GPAA1: variants seen among roughly 807,000 people sequenced by gnomAD.
GPAA1 encodes the protein GPI-anchor transamidase component GPAA1.
Under a neutral mutation model 64.0 loss-of-function variants are expected in GPAA1, and 54 were observed. The ratio of observed to expected loss-of-function variants is 0.84; its 90% CI spans 0.68 to 1.06. GPAA1 has a LOEUF of 1.06. Ranked by LOEUF, GPAA1 falls within the 50% of genes least tolerant of loss-of-function variation. The pLI is 0.00. For synonymous variants in GPAA1, 393 were observed against 377.3 expected (o/e 1.04, Z -0.48); for missense variants, 780 against 822.3 (o/e 0.95, Z 0.63).
Position 144,083,316 on chromosome 8 carries a change from G to A in GPAA1, c.254+13G>A, listed in dbSNP as rs1835939557. ...GCAAGAAGTCGGGGTGAGCGGCAGA[G>A]CAGGGCGTATGGGGCGAGCAGTGGT... is the stretch of plus-strand genomic sequence containing the variant. On this transcript the variant is annotated intron_variant, in intron 2 of 11. Transcript: ENST00000355091. The A allele has an allele frequency of 1.2e-6, 2 of 1,608,826 alleles. No individual in the cohort carries two copies. The highest frequency in any genetic ancestry group is 2.2e-5 in the South Asian group (2 of 90,938).
In GPAA1 at chr8:144,085,979, C is replaced by G. The variant is rs782735238; in HGVS notation, c.1720C>G (p.Leu574Val). The G allele has an allele frequency of 1.4e-5, 23 of 1,607,552 alleles. No individual in the cohort carries two copies. The highest frequency in any genetic ancestry group is 7.6e-6 in the Non-Finnish European group (9 of 1,179,930). Residue 574 changes from leucine to valine, a missense_variant, in exon 12 of 12, where the codon CTG (leucine) becomes GTG (valine). Coordinates refer to ENST00000355091, the MANE Select transcript of GPAA1 (RefSeq NM_003801.4). ...GGAGCTGCAGGAGGCGCCACTGTCA[C>G]TGGCCGAGGGCTGGCAGCTCTTCCT... ...WRELQEAPLS[L>V]AEGWQLFLAA...
In GPAA1 at chr8:144,085,881, G is replaced by A. The variant is rs200574909; in HGVS notation, c.1623-1G>A. On this transcript the variant is annotated splice_acceptor_variant, in intron 11 of 11. Transcript: ENST00000355091. LOFTEE classifies it high-confidence loss of function. ...TACCTTGATGTTGCTTCTCCACCCAGGACCCTCTATGCTGCCCTGCTGGTG... is the reference window on the plus strand; with the variant it reads ...TACCTTGATGTTGCTTCTCCACCCAAGACCCTCTATGCTGCCCTGCTGGTG... The A allele has an allele frequency of 8.1e-6, 13 of 1,605,730 alleles. No individual in the cohort carries two copies. The highest frequency in any genetic ancestry group is 8.5e-6 in the Non-Finnish European group (10 of 1,175,402).
In GPAA1 at chr8:144,084,433, A is replaced by T; in HGVS notation, c.834A>T (p.Thr278=). 1 of 1,612,366 alleles carries T rather than the reference A, an allele frequency of 6.2e-7. No individual in the cohort carries two copies. Among genetic ancestry groups the T allele is most frequent in the Non-Finnish European group, 8.5e-7 (1 of 1,179,510 alleles). The change falls in exon 7 of 12, where the codon ACA becomes ACT. Residue 278 remains threonine, a synonymous_variant. Coordinates refer to ENST00000355091, the MANE Select transcript of GPAA1 (RefSeq NM_003801.4). ...TAAAGCTGCAGCCCGAGGACTGGAC[A>T]TCATTGGATGGACCGCTGCAGGGCC... ...LQGKLQPEDW[T]SLDGPLQGLQ... is the part of the protein sequence containing the mutation.
rs782724741 is a variant in GPAA1, at chr8:144,084,894, C to T, written c.1164+19C>T. ...TCTCAAGATATCCTCTGCCCCTTGC[C>T]ATCTACCTGTGACCAGCCTCCAGTC... On this transcript the variant is annotated intron_variant, in intron 8 of 11. Transcript: ENST00000355091. 22 of 1,612,552 alleles carry T rather than the reference C, an allele frequency of 1.4e-5. No homozygotes were observed. The South Asian group carries it at 1.9e-4, about 14-fold the overall frequency.
chr8:144,083,199 G>A lies in GPAA1; in HGVS notation c.150G>A (p.Met50Ile). ...VFPPLTQRTY[M>I]SENAMGSTMV... The stretch of plus-strand genomic sequence containing the variant: ...CGCCGCTGACCCAGCGCACTTACAT[G>A]TCGGAGAACGCCATGGGCTCCACCA... The change falls in exon 2 of 12, where the codon ATG becomes ATA. Residue 50 changes from methionine to isoleucine, a missense_variant. By Grantham distance (10) the Met-to-Ile change is conservative. Coordinates refer to ENST00000355091, the MANE Select transcript of GPAA1 (RefSeq NM_003801.4). 6.2e-7 allele frequency: 1 copy of A among 1,613,050 alleles called. No homozygotes were observed. The highest frequency in any genetic ancestry group is 8.5e-7 in the Non-Finnish European group (1 of 1,179,830).
At position 144,083,788 on chromosome 8, in the gene GPAA1, C is replaced by T. The variant is rs1554763898; in HGVS notation, c.441C>T (p.Thr147=). Residue 147 remains threonine, a synonymous_variant, in exon 4 of 12, where the codon ACC becomes ACT. Transcript: ENST00000355091. Reference sequence around the variant, plus strand: ...CCAGCACCGAGTCGCTTGTGCTCACCGTGCCCTGTGGCTCTGACTCTACCA... The same window carrying T: ...CCAGCACCGAGTCGCTTGTGCTCACTGTGCCCTGTGGCTCTGACTCTACCA... ...RAASTESLVL[T]VPCGSDSTNS... 2.5e-6 allele frequency: 4 copies of T among 1,608,388 alleles called. No individual in the cohort carries two copies. Among genetic ancestry groups the T allele is most frequent in the South Asian group, 2.2e-5 (2 of 91,086 alleles).
In GPAA1 at chr8:144,084,740, C is replaced by A. The variant is rs1283856780; in HGVS notation, c.1029C>A (p.Phe343Leu). Residue 343 changes from phenylalanine to leucine, a missense_variant, in exon 8 of 12, where the codon TTC becomes TTA. Phe to Leu is a conservative substitution (Grantham distance 22, BLOSUM62 0). Coordinates refer to ENST00000355091, the MANE Select transcript of GPAA1 (RefSeq NM_003801.4). The stretch of plus-strand genomic sequence containing the variant: ...CTGACAGGGCTTTGGAGGGCATGTT[C>A]CGCAAGCTCAACCACCTCCTGGAGC... ...VAVGKALEGM[F>L]RKLNHLLERL... 3 of 1,613,782 alleles carry A rather than the reference C, an allele frequency of 1.9e-6. No individual in the cohort carries two copies. The highest frequency in any genetic ancestry group is 3.3e-4 in the Middle Eastern group (2 of 6,082).
Position 144,082,819 on chromosome 8 carries a change from C to G in GPAA1, c.74+15C>G, listed in dbSNP as rs2129937054. The G allele has an allele frequency of 2.1e-6, 3 of 1,402,796 alleles. No individual in the cohort carries two copies. Among genetic ancestry groups the G allele is most frequent in the Non-Finnish European group, 2.8e-6 (3 of 1,084,078 alleles). The allele number at this position is 1,402,796 out of a possible 1,614,324, so 86.9% of individuals were successfully genotyped here. On this transcript the variant is annotated intron_variant, in intron 1 of 11. Coordinates refer to ENST00000355091, the MANE Select transcript of GPAA1 (RefSeq NM_003801.4). ...GCGCCGTTGTGGTGAGGACAGGGCC[C>G]GGGGAGGCGGGGACCCGAGGGCCCT... is the stretch of plus-strand genomic sequence containing the variant.
rs1374196881 is a variant in GPAA1, at chr8:144,086,090, T to G, written c.1831T>G (p.Trp611Gly). Residue 611 changes from tryptophan (W) to glycine (G), a missense_variant, in exon 12 of 12, where the codon TGG (tryptophan) becomes GGG (glycine). Trp to Gly is a radical substitution (Grantham distance 184, BLOSUM62 -2). Coordinates refer to ENST00000355091, the MANE Select transcript of GPAA1 (RefSeq NM_003801.4). Reference protein sequence around the residue: ...PLLSLGLYPCWLLFWNVLFWK With the variant: ...PLLSLGLYPCGLLFWNVLFWK ...GCTGTCCCTGGGCCTCTACCCCTGCTGGCTGCTTTTCTGGAATGTGCTCTT... is the reference window on the plus strand; with the variant it reads ...GCTGTCCCTGGGCCTCTACCCCTGCGGGCTGCTTTTCTGGAATGTGCTCTT... The G allele has an allele frequency of 3.1e-6, 5 of 1,613,596 alleles. No individual in the cohort carries two copies. The highest frequency in any genetic ancestry group is 4.2e-6 in the Non-Finnish European group (5 of 1,179,986).
At chr8:144,085,782 C>T in intron 11 of GPAA1, 39 bp downstream of exon 11, 12 of 1,605,154 alleles carry the variant, frequency 7.5e-6, no homozygotes, top group Non-Finnish European at 1.0e-5. Context: ...AATGCCTGTG[C>T]CCTCATCACA....
intron 9 of GPAA1, 29 bp downstream of exon 9, chr8:144,085,167 T>G: frequency 1.3e-6 from 2 of 1,485,626 alleles, no homozygotes; most frequent in Non-Finnish European, 1.8e-6. Flanking sequence ...GTTGTTGGAA[T>G]GGGCTTCTGG....
rs1554764277 is a variant in GPAA1 at position 144,085,669 on chromosome 8, C to G, written c.1548C>G (p.Thr516=). Residue 516 remains threonine (T), a synonymous_variant, in exon 11 of 12, where the codon ACC becomes ACG. Coordinates refer to ENST00000355091, the MANE Select transcript of GPAA1 (RefSeq NM_003801.4). ...LALQLGCIAL[T]NFSLGFLLAT... is the part of the protein sequence containing the mutation. ...TGCAGCTGGGCTGCATCGCCCTCAC[C>G]AACTTCTCACTGGGCTTCCTGCTGG... is the stretch of plus-strand genomic sequence containing the variant. 6.2e-7 allele frequency: 1 copy of G among 1,613,816 alleles called. No homozygotes were observed. Among genetic ancestry groups the G allele is most frequent in the Middle Eastern group, 1.6e-4 (1 of 6,062 alleles).
chr8:144,083,339 G>A, intron 2 of GPAA1, 36 bp downstream of exon 2: 1 of 1,611,840 alleles, frequency 6.2e-7, no homozygotes, highest in Admixed American at 1.7e-5. Context: ...GGCGAGCAGT[G>A]GTGGCTAAGG....
At position 144,085,687 on chromosome 8, in the gene GPAA1, C is replaced by T. The variant is rs531815848; in HGVS notation, c.1566C>T (p.Phe522=). The T allele has an allele frequency of 6.2e-7, 1 of 1,613,724 alleles. No homozygotes were observed. Among genetic ancestry groups the T allele is most frequent in the Admixed American group, 1.7e-5 (1 of 60,024 alleles). ...CCCTCACCAACTTCTCACTGGGCTT[C>T]CTGCTGGCCACCACCATGGTGCCCA... The part of the protein sequence containing the change: ...CIALTNFSLG[F]LLATTMVPTA... Residue 522 remains phenylalanine (F), a synonymous_variant, in exon 11 of 12, where the codon TTC becomes TTT. Coordinates refer to ENST00000355091, the MANE Select transcript of GPAA1 (RefSeq NM_003801.4).
chr8:144,083,496 G>C lies in GPAA1; in HGVS notation c.362G>C (p.Arg121Pro), dbSNP rs782718480. Residue 121 changes from arginine (R) to proline (P), a missense_variant, in exon 3 of 12, where the codon CGC (arginine) becomes CCC (proline). Arg to Pro is a moderately radical substitution (Grantham distance 103). Transcript: ENST00000355091. ...KLPFPDETHE[R>P]YMVSGTNVYG... is the part of the protein sequence containing the mutation. Reference sequence around the variant, plus strand: ...CCCTTCCCAGATGAGACCCACGAGCGCTATGTACTGGGGGAGTGGGGTGTG... The same window carrying C: ...CCCTTCCCAGATGAGACCCACGAGCCCTATGTACTGGGGGAGTGGGGTGTG... 6.2e-7 allele frequency: 1 copy of C among 1,607,992 alleles called. No individual in the cohort carries two copies. The highest frequency in any genetic ancestry group is 1.3e-5 in the African/African-American group (1 of 74,946).
rs1564305909 is a variant in GPAA1 at position 144,086,045 on chromosome 8, G to A, written c.1786G>A (p.Gly596Ser). 1.3e-5 allele frequency: 21 copies of A among 1,612,882 alleles called. No homozygotes were observed. Among genetic ancestry groups the A allele is most frequent in the African/African-American group, 4.0e-5 (3 of 74,902 alleles). ...GGGTGTGCTGGAGCACCACACCTAC[G>A]GCGCCCTGCTCTTCCCACTGCTGTC... Reference protein sequence around the residue: ...AQGVLEHHTYGALLFPLLSLG... With the variant: ...AQGVLEHHTYSALLFPLLSLG... The change falls in exon 12 of 12, where the codon GGC becomes AGC. Residue 596 changes from glycine (G) to serine (S), a missense_variant. Physicochemically the swap from Gly to Ser is moderately conservative, Grantham distance 56. Transcript: ENST00000355091.
Position 144,086,198 on chromosome 8 carries a change from G to A in GPAA1, c.*73G>A, listed in dbSNP as rs1587595704. 1.4e-5 allele frequency: 21 copies of A among 1,513,966 alleles called. No individual in the cohort carries two copies. The East Asian group carries it at 4.3e-4, about 31-fold the overall frequency. The allele number at this position is 1,513,966 out of a possible 1,614,324, so 93.8% of individuals were successfully genotyped here. A position where few individuals can be genotyped will look rare whatever the true frequency, so the allele number is the denominator to read the frequency against. ...TGCCTCCTTCTGGGGAAATAAATGA[G>A]TGTCTGTTTCAGCAGCTATTTGAGC... On this transcript the variant is annotated 3_prime_UTR_variant, in exon 12 of 12. Coordinates refer to ENST00000355091, the MANE Select transcript of GPAA1 (RefSeq NM_003801.4).
At position 144,083,744 on chromosome 8, in the gene GPAA1, C is replaced by T. The variant is rs1554763881; in HGVS notation, c.397C>T (p.Leu133=). ...GTCGGGCACCAACGTGTACGGCATC[C>T]TGCGGGCCCCGCGTGCTGCCAGCAC... ...MVSGTNVYGI[L]RAPRAASTES... is the part of the protein sequence containing the mutation. The change falls in exon 4 of 12, where the codon CTG becomes TTG. Residue 133 remains leucine (L), a synonymous_variant. Transcript: ENST00000355091. The T allele has an allele frequency of 6.2e-7, 1 of 1,604,372 alleles. No individual in the cohort carries two copies. The highest frequency in any genetic ancestry group is 1.3e-5 in the African/African-American group (1 of 74,944).
At position 144,085,334 on chromosome 8, in the gene GPAA1, G is replaced by A. The variant is rs369394667; in HGVS notation, c.1306G>A (p.Ala436Thr). The A allele has an allele frequency of 2.5e-6, 4 of 1,610,330 alleles. No homozygotes were observed. Among genetic ancestry groups the A allele is most frequent in the Non-Finnish European group, 3.4e-6 (4 of 1,179,626 alleles). Reference sequence around the variant, plus strand: ...CGTGGCACCTCTGCTGATCTCACAGGCCATGGGACTGGCCCTCTATGTCCT... The same window carrying A: ...CGTGGCACCTCTGCTGATCTCACAGACCATGGGACTGGCCCTCTATGTCCT... The part of the protein sequence containing the change: ...SLVAPLLISQ[A>T]MGLALYVLPV... Residue 436 changes from alanine (A) to threonine (T), a missense_variant, in exon 10 of 12, where the codon GCC (alanine) becomes ACC (threonine). Physicochemically the swap from Ala to Thr is moderately conservative, Grantham distance 58. Coordinates refer to ENST00000355091, the MANE Select transcript of GPAA1 (RefSeq NM_003801.4).
Sources: gnomAD v4.1 joint callset for allele counts on GRCh38, gnomAD v4.1.1 for gene constraint, MANE v1.5 for transcripts, NCBI Gene and HGNC (gene_info 2026-07-23, HGNC 2026-07-21) for gene names.